The following ADGRD1 variants were observed in gnomAD, a reference collection of about 807,000 sequenced individuals.
ADGRD1 encodes the protein adhesion G protein-coupled receptor D1.
In ADGRD1, 77 loss-of-function variants were observed where a neutral mutation model predicts 113.4. The observed-to-expected ratio is 0.68, with a 90% CI of 0.57 to 0.82. The LOEUF (loss-of-function observed/expected upper bound fraction) is 0.82, where lower values mean the gene tolerates loss of function less well. Ranked by LOEUF, ADGRD1 falls within the 40% of genes least tolerant of loss-of-function variation. The probability of loss-of-function intolerance (pLI) is 0.00; values close to 1 mark genes in which losing one functional copy is unlikely to be tolerated. For missense variants in ADGRD1, 1,036 were observed against 1,139.1 expected (o/e 0.91, Z 1.30); for synonymous variants, 474 against 475.0 (o/e 1.00, Z 0.03).
chr12:131,136,330 G>A (rs181995226), intron 22 of ADGRD1, among the ~76,000 whole-genome samples, 167 bp downstream of exon 22: 2 of 152,346 alleles, frequency 1.3e-5, no homozygotes, highest in East Asian at 3.9e-4. Flanking sequence ...AGAAAGTGGG[G>A]CCTGCAGGAT....
chr12:131,055,110 T>G (rs2051874798), intron 13 of ADGRD1, among the ~76,000 whole-genome samples: 1 of 152,230 alleles, frequency 6.6e-6, no homozygotes, highest in Non-Finnish European at 1.5e-5. Flanking sequence ...AGAAATACGC[T>G]TAATTTGTGG....
chr12:131,138,336 A>G (rs1467767253), intron 24 of ADGRD1, 107 bp downstream of exon 24: 68 of 874,014 alleles, frequency 7.8e-5, no homozygotes, highest in Non-Finnish European at 1.2e-4. Context: ...TCGGGTGCCC[A>G]GCAGTCTTTG....
At chr12:131,131,978 C>T (rs1950941731) in intron 21 of ADGRD1, among the ~76,000 whole-genome samples, 162 bp downstream of exon 21, 1 of 152,216 alleles carries the variant, frequency 6.6e-6, no homozygotes, top group Non-Finnish European at 1.5e-5. Flanking sequence ...GGTTTCACGC[C>T]CTCGCTTGGC....
chr12:131,108,800 T>C lies in ADGRD1; in HGVS notation c.1964T>C (p.Leu655Pro). 6.2e-7 allele frequency: 1 copy of C among 1,613,742 alleles called. No individual in the cohort carries two copies. The highest frequency in any genetic ancestry group is 8.5e-7 in the Non-Finnish European group (1 of 1,179,946). ...SAFAWMLVEG[L>P]HLYSMVIKVF... ...TTCGCATGGATGCTGGTGGAGGGGC[T>C]GCACCTCTACAGCATGGTGATCAAG... is the stretch of plus-strand genomic sequence containing the variant. The change falls in exon 18 of 25, where the codon CTG becomes CCG. Residue 655 changes from leucine to proline, a missense_variant. By Grantham distance (98) the Leu-to-Pro change is moderately conservative. Coordinates refer to ENST00000261654, the MANE Select transcript of ADGRD1 (RefSeq NM_198827.5).
intron 18 of ADGRD1, among the ~76,000 whole-genome samples, chr12:131,116,669 C>G (rs906508864): frequency 2.6e-5 from 4 of 152,232 alleles, no homozygotes; most frequent in African/African-American, 9.6e-5. Context: ...TTCCATCCCC[C>G]ACCCTGCTAT....
At chr12:131,016,860 T>C (rs1347547001) in intron 13 of ADGRD1, among the ~76,000 whole-genome samples, 5 of 150,496 alleles carry the variant, frequency 3.3e-5, no homozygotes, top group African/African-American at 1.2e-4. Flanking sequence ...GCCAGTGCGT[T>C]CCAGCCTGGG....
At chr12:131,104,756 C>G in intron 15 of ADGRD1, 75 bp from the exon 16 acceptor site, 2 of 1,003,208 alleles carry the variant, frequency 2.0e-6, no homozygotes, top group South Asian at 1.4e-5. Context: ...GTGCACCCAC[C>G]TGGGCCCTCT....
rs1205474580 is a variant in ADGRD1 at position 130,984,916 on chromosome 12, TCTCTC to T, written c.491-2173_491-2169del. On this transcript the variant is annotated intron_variant, in intron 5 of 24. Transcript: ENST00000261654. This position sits in a 1 kb window ranked among gnomAD's most constrained non-coding sequence, Gnocchi z 4.1. ...TCTCTTCTCTCTCTCTCTCACTCTC[TCTCTC>T]CTCTCTTCTCTCTTTCTCTCTTTCT... is the stretch of plus-strand genomic sequence containing the variant. 1.3e-5 allele frequency among the ~76,000 whole-genome samples: 2 copies of T among 149,714 alleles called. No individual in the cohort carries two copies. Among genetic ancestry groups the T allele is most frequent in the African/African-American group, 4.9e-5 (2 of 40,656 alleles).
intron 14 of ADGRD1, among the ~76,000 whole-genome samples, chr12:131,083,588 C>T (rs551717055): frequency 2.0e-5 from 3 of 152,290 alleles, no homozygotes; most frequent in Admixed American, 2.0e-4. Context: ...GCCTGCGAAA[C>T]AGATTGAGAC....
intron 20 of ADGRD1, among the ~76,000 whole-genome samples, chr12:131,121,276 G>A (rs1460938009): frequency 6.6e-6 from 1 of 152,224 alleles, no homozygotes; most frequent in Admixed American, 6.5e-5. Context: ...AGGACTCCAA[G>A]GCTGCAGAGG....
rs1277239815 is a variant in ADGRD1, at chr12:131,096,478, C to A, written c.1672-8353C>A. On this transcript the variant is annotated intron_variant, in intron 15 of 24. Coordinates refer to ENST00000261654, the MANE Select transcript of ADGRD1 (RefSeq NM_198827.5). The surrounding 1 kb of genome is among the most constrained non-coding windows in gnomAD (Gnocchi z 5.2). ...TTGCTCCTTCTCAGGGTACACAGAG[C>A]CACATCTCCCGTGTTAACCACTGCA... 2.0e-5 allele frequency among the ~76,000 whole-genome samples: 3 copies of A among 152,166 alleles called. No homozygotes were observed. Among genetic ancestry groups the A allele is most frequent in the African/African-American group, 4.8e-5 (2 of 41,432 alleles).
rs544117590 is a variant in ADGRD1 at position 130,999,328 on chromosome 12, G to A, written c.967-1055G>A. Among the ~76,000 whole-genome samples the A allele has an allele frequency of 7.2e-5, 11 of 152,368 alleles. No individual in the cohort carries two copies. The East Asian group carries it at 7.7e-4, about 11-fold the overall frequency. On this transcript the variant is annotated intron_variant, in intron 8 of 24. Transcript: ENST00000261654. ...GGCGTGACCCATGAGGCCTGACCTC[G>A]TTCCTGTGTGACACTTTAAGAAGTT...
rs182456109 is a variant in ADGRD1, at chr12:130,955,263, C to A, written c.103+603C>A. Among the ~76,000 whole-genome samples the A allele has an allele frequency of 3.9e-5, 6 of 152,168 alleles. No individual in the cohort carries two copies. In the East Asian group the frequency reaches 1.2e-3, roughly 29 times the overall value. On this transcript the variant is annotated intron_variant, in intron 2 of 24. Coordinates refer to ENST00000261654, the MANE Select transcript of ADGRD1 (RefSeq NM_198827.5). ...TACAGATGTGAGCCACCACACCCAT[C>A]TCATGTCTTCAGGGCAGATTCACTG...
At chr12:131,000,498 T>C in intron 9 of ADGRD1, 56 bp downstream of exon 9, 2 of 1,401,046 alleles carry the variant, frequency 1.4e-6, no homozygotes, top group African/African-American at 2.8e-5. Context: ...TCCCAGCACT[T>C]TGGGAGGCCA....
At chr12:130,964,400 T>C (rs563148655) in intron 2 of ADGRD1, among the ~76,000 whole-genome samples, 4 of 152,286 alleles carry the variant, frequency 2.6e-5, no homozygotes, top group African/African-American at 7.2e-5. Context: ...AAGACCAGCT[T>C]TGGGGCCAGG....
intron 18 of ADGRD1, among the ~76,000 whole-genome samples, chr12:131,114,997 C>T (rs1950430535): frequency 1.3e-5 from 2 of 152,170 alleles, no homozygotes; most frequent in African/African-American, 4.8e-5. Flanking sequence ...TCCTGTTCCT[C>T]TAGGGACAAA....
chr12:131,051,678 G>T (rs1410273836), intron 13 of ADGRD1, among the ~76,000 whole-genome samples: 1 of 152,068 alleles, frequency 6.6e-6, no homozygotes, highest in East Asian at 1.9e-4. Flanking sequence ...TAGAGGCGGG[G>T]TTTTACCATG....
chr12:131,076,127 T>C (rs1315968376), intron 13 of ADGRD1, among the ~76,000 whole-genome samples: 2 of 152,212 alleles, frequency 1.3e-5, no homozygotes, highest in Non-Finnish European at 1.5e-5. Flanking sequence ...GGTGGTCTCA[T>C]GGACCTGTTC....
intron 23 of ADGRD1, among the ~76,000 whole-genome samples, chr12:131,137,263 G>T (rs1451366978): frequency 1.3e-5 from 2 of 152,238 alleles, no homozygotes; most frequent in Admixed American, 6.5e-5. Context: ...GCATCTTAGG[G>T]AGAGTGAGAT....
Sources: gnomAD v4.1 joint callset for allele counts (sites outside exome capture counted in the v4.1 genomes callset) on GRCh38, gnomAD v4.1.1 for gene constraint, Gnocchi (gnomAD v3.1) non-coding constraint, MANE v1.5 for transcripts, NCBI Gene and HGNC (gene_info 2026-07-23, HGNC 2026-07-21) for gene names.